Variants in ERGIC2 observed in about 807,000 individuals in gnomAD.
The protein encoded by ERGIC2 is ERGIC and golgi 2, also known as endoplasmic reticulum-Golgi intermediate compartment protein 2.
Under a neutral mutation model 52.5 loss-of-function variants are expected in ERGIC2, and 31 were observed. The observed-to-expected ratio is 0.59, with a 90% CI of 0.44 to 0.80. ERGIC2 has a LOEUF of 0.80. ERGIC2 is among the 30% of genes least tolerant of loss of function. The probability of loss-of-function intolerance (pLI) is 0.00; values close to 1 mark genes in which losing one functional copy is unlikely to be tolerated. For synonymous variants in ERGIC2, 129 were observed against 140.6 expected (o/e 0.92, Z 0.58); for missense variants, 395 against 455.2 (o/e 0.87, Z 1.20).
intron 11 of ERGIC2, among the ~76,000 whole-genome samples, chr12:29,344,347 A>C (rs2136849730): frequency 6.6e-6 from 1 of 152,308 alleles, no homozygotes; most frequent in East Asian, 1.9e-4. Flanking sequence ...CCTTCCTCAA[A>C]GATTATGCCA....
intron 2 of ERGIC2, 76 bp downstream of exon 2, chr12:29,371,452 C>A: frequency 4.3e-6 from 4 of 933,302 alleles, no homozygotes. Context: ...CTCATGGCTA[C>A]ATTTCTATAT....
chr12:29,367,905 A>G (rs1475711727), intron 4 of ERGIC2, among the ~76,000 whole-genome samples: 1 of 151,892 alleles, frequency 6.6e-6, no homozygotes, highest in Non-Finnish European at 1.5e-5. Context: ...CAGTGACACA[A>G]GGATATGCTT....
rs778197087 is a variant in ERGIC2, at chr12:29,368,337, C to T, written c.216-50G>A. ...AGTACCTACCAATTAATTAGCAAAA[C>T]ATGAGAAATATAAATCAACTGACCT... is the stretch of plus-strand genomic sequence containing the variant. On this transcript the variant is annotated intron_variant, in intron 3 of 13. Coordinates refer to ENST00000360150, the MANE Select transcript of ERGIC2 (RefSeq NM_016570.3). 7.3e-6 allele frequency: 7 copies of T among 958,392 alleles called. No homozygotes were observed. The East Asian group carries it at 1.5e-4, about 20-fold the overall frequency. The allele number at this position is 958,392 out of a possible 1,614,324, so 59.4% of individuals were successfully genotyped here.
chr12:29,340,714 C>T lies in ERGIC2; in HGVS notation c.*442G>A, dbSNP rs1485660397. ...TTCTTTAAAGTCTAGACTAGTTTTC[C>T]GTATGTTTTCCACATTTTATTCTGA... On this transcript the variant is annotated 3_prime_UTR_variant, in exon 14 of 14. Coordinates refer to ENST00000360150, the MANE Select transcript of ERGIC2 (RefSeq NM_016570.3). 1.1e-4 allele frequency: 40 copies of T among 358,218 alleles called. No individual in the cohort carries two copies. Among genetic ancestry groups the T allele is most frequent in the South Asian group, 2.7e-4 (12 of 45,184 alleles). The allele number at this position is 358,218 out of a possible 1,614,324, so 22.2% of individuals were successfully genotyped here. A position where few individuals can be genotyped will look rare whatever the true frequency, so the allele number is the denominator to read the frequency against.
intron 1 of ERGIC2, among the ~76,000 whole-genome samples, chr12:29,376,897 T>C (rs1940522572): frequency 6.7e-6 from 1 of 149,684 alleles, no homozygotes. Flanking sequence ...TTAAAATGTG[T>C]CCTTTATTCT....
intron 8 of ERGIC2, 75 bp downstream of exon 8, chr12:29,356,307 G>C: frequency 3.4e-6 from 3 of 875,290 alleles, no homozygotes; most frequent in Non-Finnish European, 5.8e-6. Context: ...ACAGGCGCGA[G>C]CCATCGGCCA....
chr12:29,377,604 A>G (rs1446468484), intron 1 of ERGIC2, among the ~76,000 whole-genome samples: 7 of 152,210 alleles, frequency 4.6e-5, no homozygotes, highest in Admixed American at 1.3e-4. Flanking sequence ...AATATTTTCA[A>G]TCTGCAACTG....
intron 8 of ERGIC2, 69 bp downstream of exon 8, chr12:29,356,313 G>A (rs142536743): frequency 1.7e-5 from 16 of 932,204 alleles, no homozygotes; most frequent in Admixed American, 3.5e-5. Flanking sequence ...GCGAGCCATC[G>A]GCCAGAATTT....
Position 29,339,237 on chromosome 12 carries a change from G to A in ERGIC2, c.*1919C>T, listed in dbSNP as rs1029822842. 6 of 151,982 alleles carry A rather than the reference G, an allele frequency of 3.9e-5. No individual in the cohort carries two copies. The highest frequency in any genetic ancestry group is 9.7e-5 in the African/African-American group (4 of 41,376). The allele number at this position is 151,982 out of a possible 1,614,324, so 9.4% of individuals were successfully genotyped here. A position where few individuals can be genotyped will look rare whatever the true frequency, so the allele number is the denominator to read the frequency against. On this transcript the variant is annotated 3_prime_UTR_variant, in exon 14 of 14. Coordinates refer to ENST00000360150, the MANE Select transcript of ERGIC2 (RefSeq NM_016570.3). ...TTTTAATATGGTATTTGGAAAATAC[G>A]AAAACAATTAAAAATCATATATAAG...
At chr12:29,355,147 AG>A (rs1565538875) in intron 8 of ERGIC2, among the ~76,000 whole-genome samples, 1 of 152,076 alleles carries the variant, frequency 6.6e-6, no homozygotes, top group African/African-American at 2.4e-5. Flanking sequence ...TAGTGTTCAA[AG>A]GTCTTCCTCA....
intron 5 of ERGIC2, among the ~76,000 whole-genome samples, chr12:29,366,518 G>C (rs949231414): frequency 6.6e-6 from 1 of 151,222 alleles, no homozygotes; most frequent in African/African-American, 2.4e-5. Context: ...ATACAAACAG[G>C]ACATAAAAGT....
chr12:29,344,171 T>C (rs1940008891), intron 11 of ERGIC2, among the ~76,000 whole-genome samples: 1 of 152,212 alleles, frequency 6.6e-6, no homozygotes. Flanking sequence ...ATGTACCATC[T>C]GGGTTGTTTC....
intron 10 of ERGIC2, among the ~76,000 whole-genome samples, chr12:29,346,154 C>T (rs969194575): frequency 6.6e-6 from 1 of 151,248 alleles, no homozygotes; most frequent in Admixed American, 6.6e-5. Context: ...TCGTTAACAT[C>T]CTTTTATCAA....
Position 29,361,639 on chromosome 12 carries a change from T to C in ERGIC2, c.374+6A>G. ...TATGGACCACAATACTTTGTTCTCT[T>C]ATTACCTCTGCCACTCTTTCTGCTG... On this transcript the variant is annotated splice_donor_region_variant and intron_variant, in intron 6 of 13. Transcript: ENST00000360150. The C allele has an allele frequency of 6.2e-7, 1 of 1,604,792 alleles. No homozygotes were observed. The highest frequency in any genetic ancestry group is 1.3e-5 in the African/African-American group (1 of 74,774).
intron 1 of ERGIC2, among the ~76,000 whole-genome samples, chr12:29,379,751 C>A (rs1023730903): frequency 6.6e-6 from 1 of 151,934 alleles, no homozygotes; most frequent in Non-Finnish European, 1.5e-5. Flanking sequence ...AATAATTTGA[C>A]CACTATGACA....
chr12:29,379,294 G>C (rs904115718), intron 1 of ERGIC2, among the ~76,000 whole-genome samples: 8 of 152,116 alleles, frequency 5.3e-5, no homozygotes, highest in African/African-American at 1.4e-4. Flanking sequence ...AAAGAGTATG[G>C]GGGTTAATAA....
At chr12:29,366,390 GAGGA>G (rs1248109589) in intron 5 of ERGIC2, among the ~76,000 whole-genome samples, 1 of 151,942 alleles carries the variant, frequency 6.6e-6, no homozygotes, top group African/African-American at 2.4e-5. Context: ...AGGCGTAAAG[GAGGA>G]AGGAAGTAGT....
chr12:29,378,202 T>C (rs1012952545), intron 1 of ERGIC2, among the ~76,000 whole-genome samples: 1 of 152,144 alleles, frequency 6.6e-6, no homozygotes, highest in African/African-American at 2.4e-5. Flanking sequence ...CAAGGGAAAA[T>C]GCCATGTGAA....
chr12:29,378,306 A>C (rs761957049), intron 1 of ERGIC2, among the ~76,000 whole-genome samples: 3 of 152,186 alleles, frequency 2.0e-5, no homozygotes, highest in Non-Finnish European at 4.4e-5. Context: ...ATTCTTTCCT[A>C]GAGTCTTCAA....
Sources: gnomAD v4.1 joint callset for allele counts (sites outside exome capture counted in the v4.1 genomes callset) on GRCh38, gnomAD v4.1.1 for gene constraint, MANE v1.5 for transcripts, NCBI Gene and HGNC (gene_info 2026-07-23, HGNC 2026-07-21) for gene names.